PRKAR2A: variants seen among roughly 807,000 people sequenced by gnomAD.
PRKAR2A encodes the protein protein kinase cAMP-dependent type II regulatory subunit alpha.
In PRKAR2A, 29 loss-of-function variants were observed where a neutral mutation model predicts 51.9. That is an observed-to-expected ratio of 0.56 (90% confidence interval 0.42 to 0.76). The LOEUF (loss-of-function observed/expected upper bound fraction) is 0.76, where lower values mean the gene tolerates loss of function less well. Ranked by LOEUF, PRKAR2A falls within the 30% of genes least tolerant of loss-of-function variation. PRKAR2A has a pLI of 0.00. For synonymous variants in PRKAR2A, 178 were observed against 186.2 expected (o/e 0.96, Z 0.36); for missense variants, 445 against 512.1 (o/e 0.87, Z 1.26).
chr3:48,770,188 T>A (rs1425669189), intron 6 of PRKAR2A, among the ~76,000 whole-genome samples: 1 of 152,104 alleles, frequency 6.6e-6, no homozygotes, highest in Non-Finnish European at 1.5e-5. Flanking sequence ...GACATCAACA[T>A]AGCCTTTGAT....
At chr3:48,760,891 G>C (rs972959912) in intron 8 of PRKAR2A, among the ~76,000 whole-genome samples, 1 of 151,716 alleles carries the variant, frequency 6.6e-6, no homozygotes, top group African/African-American at 2.4e-5. Flanking sequence ...GAAGGCTAAG[G>C]GAAGAGTATT....
intron 1 of PRKAR2A, among the ~76,000 whole-genome samples, chr3:48,846,789 G>T (rs1411680350): frequency 1.3e-5 from 2 of 152,180 alleles, no homozygotes; most frequent in Non-Finnish European, 2.9e-5. Flanking sequence ...TGAGAGATTT[G>T]CTTTAATACA....
intron 8 of PRKAR2A, among the ~76,000 whole-genome samples, chr3:48,762,861 A>G (rs1236888117): frequency 6.6e-6 from 1 of 152,222 alleles, no homozygotes; most frequent in Non-Finnish European, 1.5e-5. Flanking sequence ...CAAAAATATT[A>G]TGCTAAGAGA....
At chr3:48,766,852 GTTTTA>G (rs1351702180) in intron 6 of PRKAR2A, among the ~76,000 whole-genome samples, 2 of 152,104 alleles carry the variant, frequency 1.3e-5, no homozygotes, top group Non-Finnish European at 2.9e-5. Context: ...GATTCCTTCT[GTTTTA>G]TTTTGAGATA....
At chr3:48,840,093 T>A (rs2083352780) in intron 1 of PRKAR2A, among the ~76,000 whole-genome samples, 1 of 151,858 alleles carries the variant, frequency 6.6e-6, no homozygotes, top group South Asian at 2.1e-4. Context: ...CTACTCTGGT[T>A]ACCTTCTGTA....
intron 1 of PRKAR2A, among the ~76,000 whole-genome samples, chr3:48,836,242 A>G (rs779452435): frequency 6.6e-6 from 1 of 151,532 alleles, no homozygotes; most frequent in Non-Finnish European, 1.5e-5. Flanking sequence ...ACATAGTGAA[A>G]CCCCGTCTCT....
At chr3:48,835,830 TA>T (rs1330012847) in intron 1 of PRKAR2A, among the ~76,000 whole-genome samples, 1 of 151,508 alleles carries the variant, frequency 6.6e-6, no homozygotes, top group African/African-American at 2.4e-5. Flanking sequence ...AAAACAATTC[TA>T]AAAAAAGAAT....
chr3:48,779,195 G>C (rs2082152881), intron 5 of PRKAR2A, among the ~76,000 whole-genome samples: 1 of 151,836 alleles, frequency 6.6e-6, no homozygotes, highest in African/African-American at 2.4e-5. Context: ...CCTGGGCTCA[G>C]ACAATCCTCC....
At chr3:48,817,495 T>C (rs895385712) in intron 1 of PRKAR2A, among the ~76,000 whole-genome samples, 2 of 150,508 alleles carry the variant, frequency 1.3e-5, no homozygotes, top group African/African-American at 4.9e-5. Flanking sequence ...CTACTAAAAA[T>C]ACAAAAAATT....
intron 2 of PRKAR2A, among the ~76,000 whole-genome samples, chr3:48,803,332 C>A (rs1440664438): frequency 6.6e-6 from 1 of 152,162 alleles, no homozygotes; most frequent in East Asian, 1.9e-4. Context: ...ATCCCCTAAG[C>A]CCAAGATTTC....
In PRKAR2A at chr3:48,751,684, C is replaced by A. The variant is rs140573777; in HGVS notation, c.1116G>T (p.Gly372=). Residue 372 remains glycine (G), a synonymous_variant, in exon 11 of 11, where the codon GGG becomes GGT. Coordinates refer to ENST00000265563, the MANE Select transcript of PRKAR2A (RefSeq NM_004157.4). ...MDVQAFERLL[G]PCMDIMKRNI... ...TCCTCTTCATGATGTCCATGCAGGG[C>A]CCCAGAAGCCTCTCGAATGCTTGTA... is the stretch of plus-strand genomic sequence containing the variant. 222 of 1,613,664 alleles carry A rather than the reference C, an allele frequency of 1.4e-4. No homozygotes were observed. The African/African-American group carries it at 2.7e-3, about 20-fold the overall frequency.
intron 1 of PRKAR2A, among the ~76,000 whole-genome samples, chr3:48,808,317 C>CA (rs1238721602): frequency 6.7e-6 from 1 of 149,962 alleles, no homozygotes; most frequent in African/African-American, 2.5e-5. Context: ...GCAGTGGTGA[C>CA]ATCTCGGCTC....
rs769543099 is a variant in PRKAR2A, at chr3:48,764,998, A to C, written c.873+6T>G. 15 of 1,612,692 alleles carry C rather than the reference A, an allele frequency of 9.3e-6. No homozygotes were observed. Among genetic ancestry groups the C allele is most frequent in the Non-Finnish European group, 1.3e-5 (15 of 1,178,868 alleles). Reference sequence around the variant, plus strand: ...AGGAAAGGAGCTGCGTAAAGCCCTCACTCACCTGAGTGATTATGCGTTCTC... The same window carrying C: ...AGGAAAGGAGCTGCGTAAAGCCCTCCCTCACCTGAGTGATTATGCGTTCTC... On this transcript the variant is annotated splice_donor_region_variant and intron_variant, in intron 8 of 10. Coordinates refer to ENST00000265563, the MANE Select transcript of PRKAR2A (RefSeq NM_004157.4).
At chr3:48,757,135 A>G (rs1174943047) in intron 8 of PRKAR2A, among the ~76,000 whole-genome samples, 3 of 152,190 alleles carry the variant, frequency 2.0e-5, no homozygotes, top group African/African-American at 7.2e-5. Flanking sequence ...TAGGAGCCAG[A>G]GGCAGAGTCA....
At chr3:48,821,716 G>C (rs893507906) in intron 1 of PRKAR2A, among the ~76,000 whole-genome samples, 3 of 148,218 alleles carry the variant, frequency 2.0e-5, no homozygotes, top group Admixed American at 1.4e-4. Flanking sequence ...AGGAGTTTGA[G>C]ACCAGCCTGG....
intron 6 of PRKAR2A, among the ~76,000 whole-genome samples, chr3:48,767,794 C>T (rs2081963273): frequency 6.6e-6 from 1 of 150,900 alleles, no homozygotes; most frequent in Non-Finnish European, 1.5e-5. Flanking sequence ...CATGGCGGCA[C>T]GCGCCTGCAG....
At chr3:48,791,552 C>A (rs1376783569) in intron 3 of PRKAR2A, among the ~76,000 whole-genome samples, 1 of 142,454 alleles carries the variant, frequency 7.0e-6, no homozygotes, top group Admixed American at 7.3e-5. Flanking sequence ...CAAGATCGTA[C>A]CACTGCACTG....
At chr3:48,779,127 T>A (rs2107276351) in intron 5 of PRKAR2A, among the ~76,000 whole-genome samples, 1 of 152,050 alleles carries the variant, frequency 6.6e-6, no homozygotes, top group Non-Finnish European at 1.5e-5. Flanking sequence ...GTGCCCGGCC[T>A]AAAAAAATGT....
intron 5 of PRKAR2A, among the ~76,000 whole-genome samples, chr3:48,773,314 T>C (rs1013259507): frequency 3.9e-5 from 6 of 151,938 alleles, no homozygotes; most frequent in Non-Finnish European, 8.8e-5. Context: ...GTAGCCTTTT[T>C]GTGGCATTCT....
Sources: allele counts gnomAD v4.1 joint callset (sites outside exome capture counted in the v4.1 genomes callset), GRCh38; gene constraint gnomAD v4.1.1; transcripts MANE v1.5; gene names NCBI Gene and HGNC (gene_info 2026-07-23, HGNC 2026-07-21).